MEI4: variants seen among roughly 807,000 people sequenced by gnomAD.
The protein encoded by MEI4 is meiotic double-stranded break formation protein 4.
In MEI4, 27 loss-of-function variants were observed where a neutral mutation model predicts 31.4. The observed-to-expected ratio is 0.86, with a 90% CI of 0.63 to 1.19. The LOEUF (loss-of-function observed/expected upper bound fraction) is 1.19, where lower values mean the gene tolerates loss of function less well. Among genes scored for constraint, MEI4 ranks in the 50% most tolerant of loss-of-function variants. The pLI is 0.00. For synonymous variants in MEI4, 122 were observed against 145.4 expected, an observed-to-expected ratio of 0.84 and a Z score of 1.16; for missense variants, 329 against 398.9, an observed-to-expected ratio of 0.82 and a Z score of 1.49.
intron 4 of MEI4, among the ~76,000 whole-genome samples, chr6:77,904,731 T>A (rs1766255125): frequency 6.6e-6 from 1 of 152,166 alleles, no homozygotes; most frequent in East Asian, 1.9e-4. Flanking sequence ...GTTAGGTTGA[T>A]TCCATGTCTT....
chr6:77,838,476 A>G (rs145924483), intron 4 of MEI4, among the ~76,000 whole-genome samples: 73 of 152,344 alleles, frequency 4.8e-4, no homozygotes, highest in African/African-American at 1.7e-3. Flanking sequence ...CCTTTGCATA[A>G]TGAATAAAGC....
At chr6:77,728,231 ATAAT>A (rs1159010011) in intron 2 of MEI4, among the ~76,000 whole-genome samples, 3 of 152,352 alleles carry the variant, frequency 2.0e-5, no homozygotes, top group South Asian at 2.1e-4. Context: ...AATAGCCAAA[ATAAT>A]TAATAGGTAC....
At chr6:77,888,049 T>C (rs1233636681) in intron 4 of MEI4, among the ~76,000 whole-genome samples, 2 of 152,218 alleles carry the variant, frequency 1.3e-5, no homozygotes, top group Non-Finnish European at 2.9e-5. Context: ...TACTTTTTGA[T>C]TTAAAGTTTA....
Position 77,847,039 on chromosome 6 carries a change from CAAT to C in MEI4, c.900+17978_900+17980del, listed in dbSNP as rs1226125057. 3.3e-5 allele frequency among the ~76,000 whole-genome samples: 5 copies of C among 152,088 alleles called. No individual in the cohort carries two copies. Among genetic ancestry groups the C allele is most frequent in the African/African-American group, 1.2e-4 (5 of 41,424 alleles). On this transcript the variant is annotated intron_variant, in intron 4 of 4. Transcript: ENST00000684080. This position sits in a 1 kb window ranked among gnomAD's most constrained non-coding sequence, Gnocchi z 4.6. ...GTGTTGGGGAAATAATGTTTAACAA[CAAT>C]GACTGTCATCTTAAAGGGTTCTGTG... is the stretch of plus-strand genomic sequence containing the variant.
At chr6:77,736,085 T>G (rs1767200688) in intron 2 of MEI4, among the ~76,000 whole-genome samples, 2 of 152,088 alleles carry the variant, frequency 1.3e-5, no homozygotes, top group Admixed American at 1.3e-4. Context: ...GCTGTCTTTT[T>G]GTTTGTCTGT....
At chr6:77,792,226 T>G (rs1768956045) in intron 3 of MEI4, among the ~76,000 whole-genome samples, 1 of 152,200 alleles carries the variant, frequency 6.6e-6, no homozygotes. Flanking sequence ...TGATTCCATC[T>G]TTTAATTATT....
At chr6:77,654,228 A>G (rs745536509) in intron 1 of MEI4, among the ~76,000 whole-genome samples, 2 of 152,214 alleles carry the variant, frequency 1.3e-5, no homozygotes, top group African/African-American at 2.4e-5. Context: ...ATAGATAGGA[A>G]TGATTGATGG....
chr6:77,789,870 A>G (rs1768865623), intron 3 of MEI4, among the ~76,000 whole-genome samples: 1 of 152,138 alleles, frequency 6.6e-6, no homozygotes, highest in South Asian at 2.1e-4. Context: ...ATCTAGAACT[A>G]GAAATACCAT....
chr6:77,744,866 A>C (rs1359034008), intron 2 of MEI4, among the ~76,000 whole-genome samples: 2 of 152,196 alleles, frequency 1.3e-5, no homozygotes, highest in Admixed American at 6.5e-5. Context: ...ATCCAGCCAA[A>C]CTAAGCTTCA....
intron 2 of MEI4, among the ~76,000 whole-genome samples, chr6:77,758,155 C>CAAAAAAAAAA (rs58249702): frequency 8.6e-6 from 1 of 115,846 alleles, no homozygotes; most frequent in Admixed American, 9.2e-5. Flanking sequence ...CTCCATCTCA[C>CAAAAAAAAAA]AAAAAAAAAA....
chr6:77,672,818 G>A (rs1053521254), intron 1 of MEI4, among the ~76,000 whole-genome samples: 1 of 152,216 alleles, frequency 6.6e-6, no homozygotes, highest in African/African-American at 2.4e-5. Context: ...GATTACAGGC[G>A]TGAGCCACCA....
At chr6:77,754,595 T>C (rs1466136425) in intron 2 of MEI4, among the ~76,000 whole-genome samples, 1 of 152,210 alleles carries the variant, frequency 6.6e-6, no homozygotes, top group Non-Finnish European at 1.5e-5. Flanking sequence ...GTTATCTTTA[T>C]AGCAGTACCC....
chr6:77,868,680 G>A (rs1049721135), intron 4 of MEI4, among the ~76,000 whole-genome samples: 1 of 151,256 alleles, frequency 6.6e-6, no homozygotes, highest in Non-Finnish European at 1.5e-5. Flanking sequence ...AAAAATAAAG[G>A]AAGGTAAGAA....
At chr6:77,831,885 T>C (rs1247230995) in intron 4 of MEI4, among the ~76,000 whole-genome samples, 1 of 151,946 alleles carries the variant, frequency 6.6e-6, no homozygotes, top group Non-Finnish European at 1.5e-5. Context: ...AATTATAACA[T>C]TTTTTATATT....
chr6:77,660,398 T>G (rs1179511125), intron 1 of MEI4, among the ~76,000 whole-genome samples: 2 of 151,772 alleles, frequency 1.3e-5, no homozygotes, highest in African/African-American at 2.4e-5. Flanking sequence ...GAGTTAAGAG[T>G]GGCAGTTTGG....
intron 4 of MEI4, among the ~76,000 whole-genome samples, chr6:77,873,646 T>A (rs1473148102): frequency 6.6e-6 from 1 of 152,234 alleles, no homozygotes; most frequent in African/African-American, 2.4e-5. Context: ...TTGTTGCCAT[T>A]GCTTTTGGTG....
At chr6:77,773,684 A>G (rs547188022) in intron 3 of MEI4, among the ~76,000 whole-genome samples, 1 of 152,234 alleles carries the variant, frequency 6.6e-6, no homozygotes, top group East Asian at 1.9e-4. Context: ...ATCAAGTTAA[A>G]AAGTTTTGCC....
rs545838184 is a variant in MEI4 at position 77,696,817 on chromosome 6, T to C, written c.232+5914T>C. ...GGAGGATTCCCTCTTTTTCTATTGA[T>C]TGGAATAGTTTCAGAAGGAATGGTA... On this transcript the variant is annotated intron_variant, in intron 2 of 4. Transcript: ENST00000684080. 5.5e-4 allele frequency among the ~76,000 whole-genome samples: 84 copies of C among 152,244 alleles called. No individual in the cohort carries two copies. The East Asian group carries it at 0.014, about 26-fold the overall frequency.
chr6:77,798,650 AC>A (rs1051892115), intron 3 of MEI4, among the ~76,000 whole-genome samples: 1 of 67,700 alleles, frequency 1.5e-5, no homozygotes, highest in African/African-American at 6.1e-5. Context: ...CCCTCCCCCC[AC>A]CCCACAACAG....
Sources: gnomAD v4.1 joint callset for allele counts (sites outside exome capture counted in the v4.1 genomes callset) on GRCh38, gnomAD v4.1.1 for gene constraint, Gnocchi (gnomAD v3.1) non-coding constraint, MANE v1.5 for transcripts, NCBI Gene and HGNC (gene_info 2026-07-23, HGNC 2026-07-21) for gene names.